SGCZ: variants seen among roughly 807,000 people sequenced by gnomAD.
The protein encoded by SGCZ is sarcoglycan zeta.
A neutral mutation model predicts 41.3 loss-of-function variants in SGCZ; 40 were observed. The ratio of observed to expected loss-of-function variants is 0.97; its 90% CI spans 0.75 to 1.26. SGCZ has a LOEUF of 1.26. SGCZ is among the 50% of genes most tolerant of loss of function. The pLI is 0.00. For missense variants in SGCZ, 552 were observed against 369.8 expected, an observed-to-expected ratio of 1.49 and a Z score of -4.04; for synonymous variants, 206 against 137.5, an observed-to-expected ratio of 1.50 and a Z score of -3.49.
intron 1 of SGCZ, among the ~76,000 whole-genome samples, chr8:15,150,597 A>C (rs996944568): frequency 6.6e-6 from 1 of 152,148 alleles, no homozygotes; most frequent in South Asian, 2.1e-4. Context: ...TTGATACTTG[A>C]ACTGAACAAG....
chr8:14,827,394 G>A (rs1268183430), intron 1 of SGCZ, among the ~76,000 whole-genome samples: 1 of 151,888 alleles, frequency 6.6e-6, no homozygotes, highest in African/African-American at 2.4e-5. Context: ...GCACCACCAT[G>A]CCCAGCTAAT....
intron 1 of SGCZ, among the ~76,000 whole-genome samples, chr8:15,072,817 G>A (rs569476834): frequency 5.9e-5 from 9 of 152,218 alleles, no homozygotes; most frequent in East Asian, 3.9e-4. Flanking sequence ...TGAAATTATC[G>A]TATTTTAGTC....
intron 1 of SGCZ, among the ~76,000 whole-genome samples, chr8:14,981,083 C>T (rs1801648507): frequency 6.6e-6 from 1 of 152,086 alleles, no homozygotes. Flanking sequence ...TTCCCTTGCT[C>T]AGAAATCTCC....
intron 4 of SGCZ, among the ~76,000 whole-genome samples, chr8:14,227,914 A>G (rs1806427650): frequency 6.6e-6 from 1 of 152,082 alleles, no homozygotes; most frequent in African/African-American, 2.4e-5. Context: ...GACCTAGATC[A>G]TAAGTAATGG....
intron 3 of SGCZ, among the ~76,000 whole-genome samples, chr8:14,293,503 C>T (rs1053701029): frequency 2.0e-5 from 3 of 151,930 alleles, no homozygotes; most frequent in East Asian, 1.9e-4. Context: ...CATTCAGTTA[C>T]TTAGACTTTT....
At chr8:14,962,631 A>G (rs1014087630) in intron 1 of SGCZ, among the ~76,000 whole-genome samples, 1 of 152,212 alleles carries the variant, frequency 6.6e-6, no homozygotes, top group Admixed American at 6.5e-5. Flanking sequence ...TATCTGAGAT[A>G]GTAACTAAGT....
At chr8:15,177,852 T>C (rs1800046486) in intron 1 of SGCZ, among the ~76,000 whole-genome samples, 1 of 152,194 alleles carries the variant, frequency 6.6e-6, no homozygotes, top group South Asian at 2.1e-4. Flanking sequence ...GCTTCCAGTC[T>C]AGACACTTGG....
In SGCZ at chr8:14,240,341, A is replaced by AT. The variant is rs1563205540; in HGVS notation, c.337-2663_337-2662insA. On this transcript the variant is annotated intron_variant, in intron 3 of 7. Coordinates refer to ENST00000382080, the MANE Select transcript of SGCZ (RefSeq NM_139167.4). Reference sequence around the variant, plus strand: ...AAACTCTGTGTCAAAAAAAAAAAAAAAAAAAAAAAAAAAAGAACTGAAAGT... The same window carrying AT: ...AAACTCTGTGTCAAAAAAAAAAAAAATAAAAAAAAAAAAAAGAACTGAAAGT... Among the ~76,000 whole-genome samples, 78 of 150,494 alleles carry AT rather than the reference A, an allele frequency of 5.2e-4. 1 individual carries two copies. The highest frequency in any genetic ancestry group is 1.9e-3 in the African/African-American group (76 of 40,842).
chr8:14,901,587 C>T (rs1798973658), intron 1 of SGCZ, among the ~76,000 whole-genome samples: 1 of 152,100 alleles, frequency 6.6e-6, no homozygotes, highest in Admixed American at 6.5e-5. Context: ...TTAGGTTCTT[C>T]ACACATTTTG....
At chr8:14,149,807 T>C (rs558686660) in intron 5 of SGCZ, among the ~76,000 whole-genome samples, 1 of 152,242 alleles carries the variant, frequency 6.6e-6, no homozygotes, top group Admixed American at 6.5e-5. Context: ...AAAAGTAGCA[T>C]GGTATTCTCA....
chr8:14,106,539 T>A (rs984080270), intron 6 of SGCZ, among the ~76,000 whole-genome samples: 7 of 152,190 alleles, frequency 4.6e-5, no homozygotes, highest in Admixed American at 2.0e-4. Flanking sequence ...GTTTAGGAAA[T>A]TTTATCATAG....
At chr8:15,217,245 G>A (rs537427355) in intron 1 of SGCZ, among the ~76,000 whole-genome samples, 36 of 151,522 alleles carry the variant, frequency 2.4e-4, no homozygotes, top group South Asian at 8.3e-4. Context: ...GTGAAACCCC[G>A]TTTCTACTAA....
chr8:15,103,883 A>C (rs546312296), intron 1 of SGCZ, among the ~76,000 whole-genome samples: 32 of 152,316 alleles, frequency 2.1e-4, no homozygotes, highest in African/African-American at 6.0e-4. Context: ...TACGAAGCAA[A>C]TAGAAAAAGT....
chr8:14,403,922 G>A (rs987821500), intron 2 of SGCZ, among the ~76,000 whole-genome samples: 1 of 152,074 alleles, frequency 6.6e-6, no homozygotes, highest in Non-Finnish European at 1.5e-5. Flanking sequence ...TTTCAACTGG[G>A]AGAAATATTT....
chr8:14,302,163 C>A (rs1801214282), intron 3 of SGCZ, among the ~76,000 whole-genome samples: 1 of 151,968 alleles, frequency 6.6e-6, no homozygotes, highest in African/African-American at 2.4e-5. Flanking sequence ...TTTTTTTATT[C>A]AAATACACCT....
chr8:14,469,489 C>A (rs1226104265), intron 2 of SGCZ, among the ~76,000 whole-genome samples: 2 of 151,990 alleles, frequency 1.3e-5, no homozygotes, highest in Non-Finnish European at 2.9e-5. Context: ...AAATGATTGT[C>A]TCCATGAGTG....
intron 2 of SGCZ, among the ~76,000 whole-genome samples, chr8:14,353,772 C>T (rs1295016241): frequency 6.6e-6 from 1 of 151,916 alleles, no homozygotes; most frequent in African/African-American, 2.4e-5. Context: ...ATTTTACCAA[C>T]CTGTTTAAAA....
intron 1 of SGCZ, among the ~76,000 whole-genome samples, chr8:14,732,060 T>C (rs1480344555): frequency 6.6e-6 from 1 of 152,226 alleles, no homozygotes; most frequent in Non-Finnish European, 1.5e-5. Flanking sequence ...GAGCTTTCTC[T>C]TTAGAAATAA....
intron 3 of SGCZ, among the ~76,000 whole-genome samples, chr8:14,261,519 A>C (rs1042081255): frequency 6.6e-6 from 1 of 152,138 alleles, no homozygotes; most frequent in African/African-American, 2.4e-5. Context: ...AGTTTTGCTG[A>C]ACATAATATT....
Sources: gnomAD v4.1 joint callset for allele counts (sites outside exome capture counted in the v4.1 genomes callset) on GRCh38, gnomAD v4.1.1 for gene constraint, MANE v1.5 for transcripts, NCBI Gene and HGNC (gene_info 2026-07-23, HGNC 2026-07-21) for gene names.